Variants in ZHX2 observed in about 807,000 individuals in gnomAD.
ZHX2 encodes zinc fingers and homeoboxes protein 2.
Under a neutral mutation model 21.9 loss-of-function variants are expected in ZHX2, and 6 were observed. That is an observed-to-expected ratio of 0.27 (90% CI 0.15 to 0.54). The LOEUF (loss-of-function observed/expected upper bound fraction) is 0.54, where lower values mean the gene tolerates loss of function less well. ZHX2 is among the 20% of genes least tolerant of loss of function. ZHX2 has a pLI of 0.95. For missense variants in ZHX2, 908 were observed against 1,090.7 expected, an observed-to-expected ratio of 0.83 and a Z score of 2.36; for synonymous variants, 434 against 437.1, an observed-to-expected ratio of 0.99 and a Z score of 0.09.
At chr8:122,886,938 G>A (rs1000562111) in intron 2 of ZHX2, among the ~76,000 whole-genome samples, 3 of 152,136 alleles carry the variant, frequency 2.0e-5, no homozygotes, top group African/African-American at 7.2e-5. Context: ...CAAGGAAATG[G>A]AGGCTCAGAT....
intron 1 of ZHX2, among the ~76,000 whole-genome samples, chr8:122,811,408 C>A (rs1412092630): frequency 6.6e-6 from 1 of 152,052 alleles, no homozygotes; most frequent in Non-Finnish European, 1.5e-5. Context: ...AATAAAATAT[C>A]TACTTTGTTA....
In ZHX2 at chr8:122,782,433, C is replaced by T; in HGVS notation, c.-283+487C>T. Among the ~76,000 whole-genome samples, 1 of 152,098 alleles carries T rather than the reference C, an allele frequency of 6.6e-6. No homozygotes were observed. Among genetic ancestry groups the T allele is most frequent in the East Asian group, 1.9e-4 (1 of 5,160 alleles). On this transcript the variant is annotated intron_variant, in intron 1 of 3. Coordinates refer to ENST00000314393, the MANE Select transcript of ZHX2 (RefSeq NM_014943.5). This position sits in a 1 kb window ranked among gnomAD's most constrained non-coding sequence, Gnocchi z 5.3. ...CTTTGTGCAAACGGGGCAGGTCCCGCGGGGACTCCACCGGGACGTGGCCCC... is the reference window on the plus strand; with the variant it reads ...CTTTGTGCAAACGGGGCAGGTCCCGTGGGGACTCCACCGGGACGTGGCCCC...
intron 2 of ZHX2, among the ~76,000 whole-genome samples, chr8:122,924,153 C>G (rs1820799353): frequency 6.6e-6 from 1 of 152,166 alleles, no homozygotes; most frequent in South Asian, 2.1e-4. Flanking sequence ...GATTCATTGT[C>G]TTCTAGTTCT....
intron 1 of ZHX2, among the ~76,000 whole-genome samples, chr8:122,783,806 T>C (rs746591694): frequency 6.6e-6 from 1 of 152,242 alleles, no homozygotes; most frequent in Non-Finnish European, 1.5e-5. Context: ...TAAAGCTGTA[T>C]ACACAGCTTC....
intron 1 of ZHX2, among the ~76,000 whole-genome samples, chr8:122,820,831 C>T (rs575030205): frequency 2.0e-5 from 3 of 152,160 alleles, no homozygotes; most frequent in African/African-American, 7.2e-5. Flanking sequence ...TCTCTGGTTC[C>T]GAAAGGTCAG....
intron 2 of ZHX2, among the ~76,000 whole-genome samples, chr8:122,887,835 C>T (rs1819882390): frequency 6.6e-6 from 1 of 151,962 alleles, no homozygotes; most frequent in South Asian, 2.1e-4. Context: ...GCCCCCACCA[C>T]CCCCATGTCT....
At chr8:122,936,874 G>A (rs556095448) in intron 2 of ZHX2, among the ~76,000 whole-genome samples, 12 of 97,868 alleles carry the variant, frequency 1.2e-4, no homozygotes, top group Non-Finnish European at 3.0e-4. Context: ...TTCTCCCAAG[G>A]GTTCCAATAA....
At position 122,861,731 on chromosome 8, in the gene ZHX2, A is replaced by G. The variant is rs77558828; in HGVS notation, c.-282-1746A>G. Among the ~76,000 whole-genome samples the G allele has an allele frequency of 9.9e-3, 1,505 of 152,314 alleles. 28 individuals carry two copies. Among genetic ancestry groups the G allele is most frequent in the African/African-American group, 0.034 (1,410 of 41,548 alleles). ...TAACTGTGTGACCTCAGGAAAGTCA[A>G]TTAACCTCTCTGTTTTCCCAACTGC... On this transcript the variant is annotated intron_variant, in intron 1 of 3. Transcript: ENST00000314393.
chr8:122,900,482 C>T (rs1317501748), intron 2 of ZHX2, among the ~76,000 whole-genome samples: 2 of 152,208 alleles, frequency 1.3e-5, no homozygotes, highest in Non-Finnish European at 2.9e-5. Flanking sequence ...CCCTAGGCCC[C>T]TCCTCCAACC....
chr8:122,834,008 A>T (rs1563747170), intron 1 of ZHX2, among the ~76,000 whole-genome samples: 1 of 150,510 alleles, frequency 6.6e-6, no homozygotes, highest in Non-Finnish European at 1.5e-5. Flanking sequence ...AAAAAAAAAA[A>T]GAGTGAGTGA....
intron 2 of ZHX2, among the ~76,000 whole-genome samples, chr8:122,897,692 CA>C (rs369059961): frequency 0.021 from 2,744 of 129,144 alleles, 62 homozygotes; most frequent in African/African-American, 0.065. Flanking sequence ...GTTTTCCTGA[CA>C]AAAAAAAAAA....
intron 3 of ZHX2, among the ~76,000 whole-genome samples, chr8:122,958,672 C>A (rs1027602111): frequency 6.6e-6 from 1 of 152,222 alleles, no homozygotes; most frequent in East Asian, 1.9e-4. Context: ...GAGGCCACCT[C>A]TCAACTGTCA....
In ZHX2 at chr8:122,832,322, T is replaced by G. The variant is rs111402496; in HGVS notation, c.-282-31155T>G. ...AAACTGTTAGTTTGGCTTGGAGAGA[T>G]AGTTTTAGGCTTTCAAGGGTGAGGA... is the stretch of plus-strand genomic sequence containing the variant. On this transcript the variant is annotated intron_variant, in intron 1 of 3. Coordinates refer to ENST00000314393, the MANE Select transcript of ZHX2 (RefSeq NM_014943.5). 6.9e-3 allele frequency among the ~76,000 whole-genome samples: 1,051 copies of G among 152,174 alleles called. 11 individuals are homozygous for G. Among genetic ancestry groups the G allele is most frequent in the African/African-American group, 0.024 (996 of 41,492 alleles).
chr8:122,825,911 T>G (rs572256149), intron 1 of ZHX2, among the ~76,000 whole-genome samples: 2 of 152,312 alleles, frequency 1.3e-5, no homozygotes, highest in African/African-American at 4.8e-5. Context: ...TATTTCCTCC[T>G]TCATTATCCC....
chr8:122,875,253 C>T (rs1014682017), intron 2 of ZHX2, among the ~76,000 whole-genome samples: 4 of 144,292 alleles, frequency 2.8e-5, no homozygotes, highest in Non-Finnish European at 4.5e-5. Context: ...GGGCAGGGAC[C>T]AGCTAACTAT....
chr8:122,903,889 C>T (rs1382501266), intron 2 of ZHX2, among the ~76,000 whole-genome samples: 1 of 152,062 alleles, frequency 6.6e-6, no homozygotes, highest in African/African-American at 2.4e-5. Context: ...TGAACCACCA[C>T]TTCCAAGAAA....
At chr8:122,918,274 T>G (rs1218448030) in intron 2 of ZHX2, among the ~76,000 whole-genome samples, 10 of 152,222 alleles carry the variant, frequency 6.6e-5, no homozygotes, top group Admixed American at 5.9e-4. Flanking sequence ...ACATTTTTAT[T>G]AGGCACCCAT....
chr8:122,937,933 G>GTTTGT (rs1554587246), intron 2 of ZHX2, among the ~76,000 whole-genome samples: 2 of 73,380 alleles, frequency 2.7e-5, no homozygotes, highest in Admixed American at 4.8e-4. Flanking sequence ...TTTCTTTTTG[G>GTTTGT]TTTTTTTTTT....
In ZHX2 at chr8:122,782,799, C is replaced by T. The variant is rs7825966; in HGVS notation, c.-283+853C>T. Reference sequence around the variant, plus strand: ...CGCTGCCAGCTGGCCGGAGCCTCTGCCAGCCCGAGCCCACGTTCGCCCCCC... The same window carrying T: ...CGCTGCCAGCTGGCCGGAGCCTCTGTCAGCCCGAGCCCACGTTCGCCCCCC... On this transcript the variant is annotated intron_variant, in intron 1 of 3. Coordinates refer to ENST00000314393, the MANE Select transcript of ZHX2 (RefSeq NM_014943.5). This position sits in a 1 kb window ranked among gnomAD's most constrained non-coding sequence, Gnocchi z 5.3. Among the ~76,000 whole-genome samples, 2,907 of 152,278 alleles carry T rather than the reference C, an allele frequency of 0.019. 98 individuals carry two copies. Among genetic ancestry groups the T allele is most frequent in the African/African-American group, 0.067 (2,773 of 41,554 alleles).
Sources: gnomAD v4.1 joint callset for allele counts (sites outside exome capture counted in the v4.1 genomes callset) on GRCh38, gnomAD v4.1.1 for gene constraint, Gnocchi (gnomAD v3.1) non-coding constraint, MANE v1.5 for transcripts, NCBI Gene and HGNC (gene_info 2026-07-23, HGNC 2026-07-21) for gene names.